The following ZNF487 variants were observed in gnomAD, a reference collection of about 807,000 sequenced individuals.
The protein encoded by ZNF487 is KRAB domain only 1.
In ZNF487, 4 loss-of-function variants were observed where a neutral mutation model predicts 3.0. That is an observed-to-expected ratio of 1.35 (90% CI 0.66 to 3.08). The LOEUF (loss-of-function observed/expected upper bound fraction) is 3.08, where lower values mean the gene tolerates loss of function less well. Among genes scored for constraint, ZNF487 ranks in the 30% most tolerant of loss-of-function variants. The pLI is 0.01. For missense variants in ZNF487, 146 were observed against 98.7 expected (o/e 1.48, Z -2.03); for synonymous variants, 55 against 34.6 (o/e 1.59, Z -2.06).
the ZNF487 span, among the ~76,000 whole-genome samples, chr10:43,494,765 C>CAAAAAAA: frequency 9.5e-4 from 34 of 35,788 alleles, 1 homozygote; most frequent in African/African-American, 1.8e-3. Context: ...ACTAAAAATA[C>CAAAAAAA]AAAAAAAAAA....
Position 43,481,643 on chromosome 10 carries a change from A to C in ZNF487, c.345A>C (p.Leu115Phe). The C allele has an allele frequency of 1.5e-6, 1 of 680,786 alleles. No individual in the cohort carries two copies. Among genetic ancestry groups the C allele is most frequent in the Non-Finnish European group, 2.7e-6 (1 of 371,004 alleles). The allele number at this position is 680,786 out of a possible 1,614,324, so 42.2% of individuals were successfully genotyped here. ...TGAATTTGAATAATATTTCAGAATT[A>C]ATTATTAGTAATAGAAGCTCCTTTG... Reference protein sequence around the residue: ...SGMNLNNISELIISNRSSFVR... With the variant: ...SGMNLNNISEFIISNRSSFVR... Residue 115 changes from leucine (L) to phenylalanine (F), a missense_variant, in exon 4 of 4, where the codon TTA becomes TTC. Leu to Phe is a conservative substitution (Grantham distance 22, BLOSUM62 0). Coordinates refer to ENST00000437590, the MANE Select transcript of ZNF487 (RefSeq NM_001355444.3).
At chr10:43,506,199 G>A in the ZNF487 span, among the ~76,000 whole-genome samples, 1 of 152,076 alleles carries the variant, frequency 6.6e-6, no homozygotes, top group South Asian at 2.1e-4. Context: ...TCCCTGAGCC[G>A]AAAAACCTTC....
intron 1 of ZNF487, among the ~76,000 whole-genome samples, chr10:43,451,659 G>A (rs1019949201): frequency 1.3e-5 from 2 of 150,842 alleles, no homozygotes; most frequent in African/African-American, 2.4e-5. Context: ...TCCACCTCCC[G>A]GGTTCAAGCA....
chr10:43,518,042 A>C, the ZNF487 span, among the ~76,000 whole-genome samples: 1 of 151,914 alleles, frequency 6.6e-6, no homozygotes, highest in Non-Finnish European at 1.5e-5. Flanking sequence ...AAAAAATGAT[A>C]CTCTCACTAC....
intron 1 of ZNF487, among the ~76,000 whole-genome samples, chr10:43,473,761 A>C (rs1840991851): frequency 1.3e-5 from 2 of 152,074 alleles, no homozygotes; most frequent in Non-Finnish European, 2.9e-5. Flanking sequence ...AAGGTGGCTT[A>C]TGCCTGTAAT....
At chr10:43,490,307 G>A in the ZNF487 span, among the ~76,000 whole-genome samples, 1 of 151,914 alleles carries the variant, frequency 6.6e-6, no homozygotes, top group East Asian at 1.9e-4. Flanking sequence ...AGCTGAGATC[G>A]TGCCACTGTA....
the ZNF487 span, among the ~76,000 whole-genome samples, chr10:43,498,095 ATATATTTTTTTTTTTTTTCTTT>A: frequency 4.1e-3 from 52 of 12,608 alleles, 2 homozygotes; most frequent in Non-Finnish European, 5.4e-3. Context: ...ATATATATAT[ATATATTTTTTTTTTTTTTCTTT>A]TTTTTTTTTT....
the ZNF487 span, among the ~76,000 whole-genome samples, chr10:43,517,760 C>T: frequency 1.6e-4 from 24 of 152,256 alleles, no homozygotes; most frequent in South Asian, 3.1e-3. Flanking sequence ...GAGCCACACC[C>T]GAGCCCTCTG....
At chr10:43,521,164 G>A in the ZNF487 span, among the ~76,000 whole-genome samples, 1 of 152,118 alleles carries the variant, frequency 6.6e-6, no homozygotes, top group African/African-American at 2.4e-5. Context: ...TTGAATCATT[G>A]CTCCCAGATG....
At chr10:43,463,823 T>C (rs55659835) in intron 1 of ZNF487, among the ~76,000 whole-genome samples, 5,163 of 151,996 alleles carry the variant, frequency 0.034, 115 homozygotes, top group South Asian at 0.041. Context: ...ATCTGTGATC[T>C]GTGATTTCTG....
At chr10:43,503,662 G>C in the ZNF487 span, among the ~76,000 whole-genome samples, 4 of 152,166 alleles carry the variant, frequency 2.6e-5, no homozygotes, top group Admixed American at 6.6e-5. Context: ...GTGGAGTATA[G>C]TGGCATGATC....
the ZNF487 span, among the ~76,000 whole-genome samples, chr10:43,509,699 A>G: frequency 1.3e-5 from 2 of 151,960 alleles, no homozygotes; most frequent in Non-Finnish European, 2.9e-5. Flanking sequence ...CTGCCTATAT[A>G]TATTCTAGCC....
intron 1 of ZNF487, among the ~76,000 whole-genome samples, chr10:43,475,033 C>T (rs775004970): frequency 6.6e-6 from 1 of 152,178 alleles, no homozygotes; most frequent in Non-Finnish European, 1.5e-5. Flanking sequence ...GCCTCCACCT[C>T]ATTCTCCCAG....
At chr10:43,469,219 C>G (rs1359950926) in intron 1 of ZNF487, among the ~76,000 whole-genome samples, 2 of 151,932 alleles carry the variant, frequency 1.3e-5, no homozygotes, top group Non-Finnish European at 2.9e-5. Context: ...TTTTTTGAGA[C>G]ATAGTCTGGC....
intron 1 of ZNF487, among the ~76,000 whole-genome samples, chr10:43,447,210 C>T (rs1041971250): frequency 1.1e-4 from 17 of 151,282 alleles, no homozygotes; most frequent in African/African-American, 2.7e-4. Context: ...CCGTGGAAAG[C>T]GGGAGACGGA....
intron 1 of ZNF487, among the ~76,000 whole-genome samples, chr10:43,460,757 A>G (rs866045693): frequency 2.3e-4 from 35 of 150,426 alleles, no homozygotes; most frequent in African/African-American, 8.3e-4. Context: ...TAGTGGCCCT[A>G]TCTCAGCTTA....
At position 43,482,730 on chromosome 10, in the gene ZNF487, A is replaced by G. The variant is rs945235451; in HGVS notation, c.*808A>G. The G allele has an allele frequency of 7.5e-5, 35 of 465,188 alleles. No homozygotes were observed. In the East Asian group the frequency reaches 2.1e-3, roughly 28 times the overall value. The allele number at this position is 465,188 out of a possible 1,614,324, so 28.8% of individuals were successfully genotyped here. ...CTTCATTAATCATCAGTGAACTCACACAGGAGAGAGACCCTTTGAATGCAA... is the reference window on the plus strand; with the variant it reads ...CTTCATTAATCATCAGTGAACTCACGCAGGAGAGAGACCCTTTGAATGCAA... On this transcript the variant is annotated 3_prime_UTR_variant, in exon 4 of 4. Coordinates refer to ENST00000437590, the MANE Select transcript of ZNF487 (RefSeq NM_001355444.3).
intron 1 of ZNF487, among the ~76,000 whole-genome samples, chr10:43,459,411 G>A (rs950671175): frequency 7.2e-5 from 11 of 152,010 alleles, no homozygotes; most frequent in Non-Finnish European, 1.6e-4. Context: ...TGTACTTTTA[G>A]TAGAGACAGG....
At chr10:43,481,202 A>C (rs1335052652) in intron 3 of ZNF487, among the ~76,000 whole-genome samples, 7 of 151,934 alleles carry the variant, frequency 4.6e-5, no homozygotes, top group Non-Finnish European at 1.0e-4. Flanking sequence ...ATGGTGGTAC[A>C]TACTTGTAAT....
Sources: gnomAD v4.1 joint callset for allele counts (sites outside exome capture counted in the v4.1 genomes callset) on GRCh38, gnomAD v4.1.1 for gene constraint, MANE v1.5 for transcripts, NCBI Gene and HGNC (gene_info 2026-07-23, HGNC 2026-07-21) for gene names.